Variants in ACSM5 observed in about 807,000 individuals in gnomAD.
ACSM5 encodes the protein acyl-CoA synthetase medium chain family member 5, also known as acyl-coenzyme A synthetase ACSM5, mitochondrial.
Under a neutral mutation model 71.6 loss-of-function variants are expected in ACSM5, and 56 were observed. The observed-to-expected ratio is 0.78, with a 90% confidence interval of 0.63 to 0.98. ACSM5 has a LOEUF of 0.98. Ranked by LOEUF, ACSM5 falls within the 50% of genes least tolerant of loss-of-function variation. The pLI is 0.00. For synonymous variants in ACSM5, 285 were observed against 281.5 expected, an observed-to-expected ratio of 1.01 and a Z score of -0.12; for missense variants, 723 against 726.0, an observed-to-expected ratio of 1.00 and a Z score of 0.05.
rs1316804090 is a variant in ACSM5 at position 20,441,328 on chromosome 16, A to T, written c.*901A>T. 6.6e-6 allele frequency: 1 copy of T among 152,210 alleles called. No individual in the cohort carries two copies. Among genetic ancestry groups the T allele is most frequent in the African/African-American group, 2.4e-5 (1 of 41,458 alleles). The allele number at this position is 152,210 out of a possible 1,614,324, so 9.4% of individuals were successfully genotyped here. ...CTATTTTAATGAAAAAGTTATGTTA[A>T]AGAAAGCACACTCTGCTTCATGTCT... On this transcript the variant is annotated 3_prime_UTR_variant, in exon 14 of 14. Coordinates refer to ENST00000331849, the MANE Select transcript of ACSM5 (RefSeq NM_017888.3).
chr16:20,426,308 A>G (rs1222525771), intron 6 of ACSM5, among the ~76,000 whole-genome samples: 1 of 152,188 alleles, frequency 6.6e-6, no homozygotes, highest in Non-Finnish European at 1.5e-5. Context: ...ATCTATTGCT[A>G]TGTAATAAAT....
intron 2 of ACSM5, among the ~76,000 whole-genome samples, chr16:20,415,294 G>A (rs780141355): frequency 2.0e-5 from 3 of 152,218 alleles, no homozygotes; most frequent in Non-Finnish European, 2.9e-5. Context: ...AAATCCAAGA[G>A]TGTGGTTGGA....
At chr16:20,425,538 T>C (rs572643707) in intron 6 of ACSM5, among the ~76,000 whole-genome samples, 16 of 152,316 alleles carry the variant, frequency 1.1e-4, no homozygotes, top group African/African-American at 3.6e-4. Flanking sequence ...ACCTGAGCAG[T>C]ATACACTGCA....
In ACSM5 at chr16:20,440,510, T is replaced by C. The variant is rs1967306066; in HGVS notation, c.*83T>C. 7.9e-7 allele frequency: 1 copy of C among 1,272,946 alleles called. No individual in the cohort carries two copies. Among genetic ancestry groups the C allele is most frequent in the Admixed American group, 1.7e-5 (1 of 57,338 alleles). The allele number at this position is 1,272,946 out of a possible 1,614,324, so 78.9% of individuals were successfully genotyped here. ...CACTGGTCAGTCCCCATGGGGAGCA[T>C]CATCTCTTCGACCCTAAAGATGTCA... On this transcript the variant is annotated 3_prime_UTR_variant, in exon 14 of 14. Transcript: ENST00000331849.
rs545991328 is a variant in ACSM5, at chr16:20,427,098, A to T, written c.922-690A>T. Among the ~76,000 whole-genome samples the T allele has an allele frequency of 2.9e-4, 44 of 151,922 alleles. No homozygotes were observed. The East Asian group carries it at 3.3e-3, about 11-fold the overall frequency. ...CGGGTGAATCATGAGGTCAGGAGTT[A>T]AAGACCAGCCTGGCCAGGATGGTGA... On this transcript the variant is annotated intron_variant, in intron 6 of 13. Coordinates refer to ENST00000331849, the MANE Select transcript of ACSM5 (RefSeq NM_017888.3).
rs559731905 is a variant in ACSM5, at chr16:20,418,402, A to G, written c.415+133A>G. On this transcript the variant is annotated intron_variant, in intron 3 of 13. Transcript: ENST00000331849. Reference sequence around the variant, plus strand: ...GTTGTGTTTACTTCCTATTTGCCTAACAATCACAGACTTGATTGTATAGTA... The same window carrying G: ...GTTGTGTTTACTTCCTATTTGCCTAGCAATCACAGACTTGATTGTATAGTA... The G allele has an allele frequency of 2.8e-5, 25 of 902,076 alleles. No individual in the cohort carries two copies. The East Asian group carries it at 4.0e-4, about 14-fold the overall frequency. The allele number at this position is 902,076 out of a possible 1,614,324, so 55.9% of individuals were successfully genotyped here. A position where few individuals can be genotyped will look rare whatever the true frequency, so the allele number is the denominator to read the frequency against.
At chr16:20,419,497 G>C in intron 4 of ACSM5, 62 bp downstream of exon 4, 1 of 1,510,716 alleles carries the variant, frequency 6.6e-7, no homozygotes, top group East Asian at 2.3e-5. Context: ...AGCAACAAAA[G>C]ATGAAATGCA....
intron 4 of ACSM5, 135 bp from the exon 5 acceptor site, chr16:20,421,123 C>T: frequency 1.7e-6 from 2 of 1,193,028 alleles, no homozygotes; most frequent in East Asian, 5.9e-5. Flanking sequence ...GCAGATTACC[C>T]AAGCCAGAGC....
intron 6 of ACSM5, 40 bp from the exon 7 acceptor site, chr16:20,427,748 A>C (rs12921615): frequency 7.2e-7 from 1 of 1,397,530 alleles, no homozygotes. Context: ...TCCCACCCCA[A>C]TGATTCTAAG....
intron 5 of ACSM5, among the ~76,000 whole-genome samples, chr16:20,422,766 T>C (rs1966903865): frequency 1.3e-5 from 2 of 152,072 alleles, no homozygotes; most frequent in South Asian, 4.2e-4. Flanking sequence ...CGGGGAGCAG[T>C]AGTGGGAGAA....
intron 5 of ACSM5, among the ~76,000 whole-genome samples, chr16:20,423,264 G>T (rs1211761922): frequency 1.3e-5 from 2 of 152,224 alleles, no homozygotes; most frequent in Non-Finnish European, 2.9e-5. Flanking sequence ...GGGAGAACCA[G>T]GAGTGCGCGT....
In ACSM5 at chr16:20,424,051, T is replaced by C. The variant is rs780787710; in HGVS notation, c.903T>C (p.Asp301=). Residue 301 remains aspartate, a synonymous_variant, in exon 6 of 14, where the codon GAT becomes GAC. Coordinates refer to ENST00000331849, the MANE Select transcript of ACSM5 (RefSeq NM_017888.3). ...CIFVHELPRV[D]AKVILNTLSK... is the part of the protein sequence containing the mutation. The stretch of plus-strand genomic sequence containing the variant: ...TTGTGCATGAGCTGCCCCGAGTTGA[T>C]GCCAAAGTTATCCTGAATGTAAGAG... 1.9e-6 allele frequency: 3 copies of C among 1,614,130 alleles called. No homozygotes were observed. Among genetic ancestry groups the C allele is most frequent in the Non-Finnish European group, 2.5e-6 (3 of 1,180,000 alleles).
At chr16:20,437,896 C>T (rs1967234556) in intron 12 of ACSM5, among the ~76,000 whole-genome samples, 1 of 151,400 alleles carries the variant, frequency 6.6e-6, no homozygotes, top group South Asian at 2.1e-4. Flanking sequence ...GATCTTGGCT[C>T]ACTGCAACCT....
intron 7 of ACSM5, among the ~76,000 whole-genome samples, chr16:20,428,345 C>T (rs1596619640): frequency 6.6e-6 from 1 of 152,356 alleles, no homozygotes; most frequent in East Asian, 1.9e-4. Context: ...GATGCCCCAA[C>T]TCTCAGCCTC....
intron 8 of ACSM5, 63 bp downstream of exon 8, chr16:20,429,864 G>C: frequency 6.3e-6 from 10 of 1,582,040 alleles, no homozygotes; most frequent in Non-Finnish European, 8.6e-6. Context: ...CTGCCTCTCC[G>C]GCTGTCACCT....
intron 10 of ACSM5, among the ~76,000 whole-genome samples, chr16:20,436,088 C>T (rs886506119): frequency 1.1e-5 from 1 of 95,124 alleles, no homozygotes; most frequent in Non-Finnish European, 2.0e-5. Flanking sequence ...TTCCTTCCTT[C>T]CTTTTCTCTT....
intron 4 of ACSM5, chr16:20,419,692 A>G: frequency 1.9e-6 from 1 of 519,248 alleles, no homozygotes; most frequent in Non-Finnish European, 3.5e-6. Flanking sequence ...TATTAGAGCT[A>G]CCATTCAGAG....
rs914166013 is a variant in ACSM5, at chr16:20,429,348, A to G, written c.1002-330A>G. Among the ~76,000 whole-genome samples the G allele has an allele frequency of 7.4e-4, 109 of 146,784 alleles. 1 individual carries two copies. The highest frequency in any genetic ancestry group is 2.6e-3 in the African/African-American group (100 of 38,560). ...ATTTCTAATTCATCTATCCTTTTCA[A>G]TCAGATTACTGTCCTAACCAATTTA... On this transcript the variant is annotated intron_variant, in intron 7 of 13. Transcript: ENST00000331849.
intron 2 of ACSM5, among the ~76,000 whole-genome samples, chr16:20,416,334 C>T (rs1349936324): frequency 6.7e-6 from 1 of 149,078 alleles, no homozygotes; most frequent in Non-Finnish European, 1.5e-5. Context: ...AAGTCTACTG[C>T]AAAGTTACAG....
Sources: allele counts gnomAD v4.1 joint callset (sites outside exome capture counted in the v4.1 genomes callset), GRCh38; gene constraint gnomAD v4.1.1; transcripts MANE v1.5; gene names NCBI Gene and HGNC (gene_info 2026-07-23, HGNC 2026-07-21).